RANBP2: variants seen among roughly 807,000 people sequenced by gnomAD.
RANBP2 encodes the protein E3 SUMO-protein ligase RanBP2.
Under a neutral mutation model 303.6 loss-of-function variants are expected in RANBP2, and 57 were observed. The observed-to-expected ratio is 0.19, with a 90% CI of 0.15 to 0.23. The LOEUF (loss-of-function observed/expected upper bound fraction) is 0.23, where lower values mean the gene tolerates loss of function less well. RANBP2 is among the 10% of genes least tolerant of loss of function. The pLI, the probability that RANBP2 is intolerant of heterozygous loss-of-function variation, is 1.00. For missense variants in RANBP2, 3,138 were observed against 3,780.8 expected (o/e 0.83, Z 4.46); for synonymous variants, 1,167 against 1,301.5 (o/e 0.90, Z 2.23).
At chr2:108,803,835 C>G in the RANBP2 span, among the ~76,000 whole-genome samples, 2 of 152,122 alleles carry the variant, frequency 1.3e-5, no homozygotes, top group Non-Finnish European at 2.9e-5. Flanking sequence ...GTGTATTGAG[C>G]TTATCCTGCT....
chr2:109,547,291 G>T, the RANBP2 span, among the ~76,000 whole-genome samples: 1 of 151,306 alleles, frequency 6.6e-6, no homozygotes, highest in East Asian at 1.9e-4. Flanking sequence ...ATAGAAGGTA[G>T]AATGCAGTCG....
the RANBP2 span, among the ~76,000 whole-genome samples, chr2:109,190,265 G>A: frequency 6.6e-5 from 10 of 151,808 alleles, no homozygotes; most frequent in African/African-American, 1.9e-4. Context: ...CCTCCGCCTC[G>A]CGGGTTCAAG....
chr2:109,554,220 T>C, the RANBP2 span, among the ~76,000 whole-genome samples: 3 of 152,126 alleles, frequency 2.0e-5, no homozygotes, highest in African/African-American at 2.4e-5. Flanking sequence ...GAATAGATGT[T>C]TGCAAAGGGA....
the RANBP2 span, among the ~76,000 whole-genome samples, chr2:109,269,333 C>T: frequency 6.6e-6 from 1 of 152,314 alleles, no homozygotes; most frequent in East Asian, 1.9e-4. Flanking sequence ...CTTGCCTTCC[C>T]CCCGGGAGAA....
chr2:109,513,366 C>T, the RANBP2 span, among the ~76,000 whole-genome samples: 8 of 152,098 alleles, frequency 5.3e-5, no homozygotes, highest in East Asian at 1.5e-3. Context: ...ACACACCTCC[C>T]GTATGCACAC....
chr2:109,490,797 G>C, the RANBP2 span: 3 of 1,536,898 alleles, frequency 2.0e-6, no homozygotes, highest in Admixed American at 5.9e-5. Flanking sequence ...CATAGAGAGC[G>C]AGATGCAGGG....
the RANBP2 span, among the ~76,000 whole-genome samples, chr2:109,557,916 C>G: frequency 6.6e-6 from 1 of 150,882 alleles, no homozygotes; most frequent in Non-Finnish European, 1.5e-5. Context: ...CCTCTACCAC[C>G]CAAGTAGCTG....
the RANBP2 span, among the ~76,000 whole-genome samples, chr2:109,540,702 A>C: frequency 2.0e-5 from 3 of 151,018 alleles, no homozygotes; most frequent in East Asian, 5.8e-4. Context: ...TGATGTGCCT[A>C]AGGCAGGAGG....
At chr2:108,769,760 C>T (rs1219435471) in intron 20 of RANBP2, among the ~76,000 whole-genome samples, 2 of 151,906 alleles carry the variant, frequency 1.3e-5, no homozygotes, top group South Asian at 2.1e-4. Context: ...TTTTTAACAG[C>T]CAGCATTCTA....
chr2:108,785,611 C>T lies in RANBP2; in HGVS notation c.*1710C>T, dbSNP rs1678568355. On this transcript the variant is annotated 3_prime_UTR_variant, in exon 29 of 29. Transcript: ENST00000283195. ...ACTGACTTTTCCCGTATTAGTATTC[C>T]AAAGATGCTTAAAAGTGGCTTGTGG... 1 of 152,106 alleles carries T rather than the reference C, an allele frequency of 6.6e-6. No homozygotes were observed. Among genetic ancestry groups the T allele is most frequent in the Non-Finnish European group, 1.5e-5 (1 of 68,034 alleles). The allele number at this position is 152,106 out of a possible 1,614,324, so 9.4% of individuals were successfully genotyped here.
chr2:108,981,485 C>T, the RANBP2 span, among the ~76,000 whole-genome samples: 1 of 152,180 alleles, frequency 6.6e-6, no homozygotes, highest in Admixed American at 6.5e-5. Context: ...GAGAAGCTTC[C>T]ATTTTCCGCT....
At chr2:108,726,965 A>T (rs1694766099) in intron 1 of RANBP2, among the ~76,000 whole-genome samples, 1 of 152,230 alleles carries the variant, frequency 6.6e-6, no homozygotes, top group Admixed American at 6.5e-5. Context: ...GTCACAGATC[A>T]ACAAGATCCC....
chr2:109,289,655 C>T, the RANBP2 span, among the ~76,000 whole-genome samples: 4 of 152,198 alleles, frequency 2.6e-5, no homozygotes, highest in Non-Finnish European at 5.9e-5. Flanking sequence ...CATCCTATTC[C>T]ATGGCTCTCT....
chr2:109,134,806 G>A, the RANBP2 span, among the ~76,000 whole-genome samples: 1 of 152,206 alleles, frequency 6.6e-6, no homozygotes, highest in Non-Finnish European at 1.5e-5. Context: ...CACGGCTGCA[G>A]ATGCTCTTCT....
At chr2:109,692,820 C>CTTT in the RANBP2 span, among the ~76,000 whole-genome samples, 3 of 139,318 alleles carry the variant, frequency 2.2e-5, no homozygotes, top group Non-Finnish European at 4.6e-5. Flanking sequence ...TTCTTTCTTT[C>CTTT]TTTTTTTTTT....
chr2:109,261,956 C>G, the RANBP2 span, among the ~76,000 whole-genome samples: 2 of 152,042 alleles, frequency 1.3e-5, no homozygotes, highest in Non-Finnish European at 2.9e-5. Context: ...TGTAGCATTC[C>G]ACTTCATTAC....
chr2:109,530,087 A>G, the RANBP2 span, among the ~76,000 whole-genome samples: 10 of 152,182 alleles, frequency 6.6e-5, no homozygotes, highest in African/African-American at 2.4e-4. Context: ...AGAAATATGA[A>G]TGGCCCTCTC....
At chr2:109,441,706 A>C in the RANBP2 span, among the ~76,000 whole-genome samples, 1 of 152,244 alleles carries the variant, frequency 6.6e-6, no homozygotes. Flanking sequence ...GTTGGTGAAC[A>C]CCAAGCACAA....
the RANBP2 span, chr2:109,613,001 T>G: frequency 2.1e-6 from 1 of 478,796 alleles, no homozygotes; most frequent in Non-Finnish European, 4.0e-6. Context: ...AGAGCTTTTG[T>G]TTACACAGAT....
Sources: allele counts gnomAD v4.1 joint callset (sites outside exome capture counted in the v4.1 genomes callset), GRCh38; gene constraint gnomAD v4.1.1; transcripts MANE v1.5; gene names NCBI Gene and HGNC (gene_info 2026-07-23, HGNC 2026-07-21).